The following TRIM33 variants were observed in gnomAD, a reference collection of about 807,000 sequenced individuals.
TRIM33 encodes the protein tripartite motif containing 33, also known as E3 ubiquitin-protein ligase TRIM33.
Under a neutral mutation model 125.4 loss-of-function variants are expected in TRIM33, and 20 were observed. The ratio of observed to expected loss-of-function variants is 0.16; its 90% confidence interval spans 0.11 to 0.23. The LOEUF (loss-of-function observed/expected upper bound fraction) is 0.23. Among genes scored for constraint, TRIM33 ranks in the 10% least tolerant of loss-of-function variants. The pLI is 1.00. For missense variants in TRIM33, 920 were observed against 1,411.4 expected, an observed-to-expected ratio of 0.65 and a Z score of 5.58; for synonymous variants, 564 against 513.9, an observed-to-expected ratio of 1.10 and a Z score of -1.32.
chr1:114,492,397 TGTATACAA>T (rs1229546718), intron 1 of TRIM33, among the ~76,000 whole-genome samples: 1 of 152,254 alleles, frequency 6.6e-6, no homozygotes, highest in Non-Finnish European at 1.5e-5. Flanking sequence ...ATGTATATTA[TGTATACAA>T]GTATACAACT....
intron 1 of TRIM33, among the ~76,000 whole-genome samples, chr1:114,507,318 G>C (rs1653058942): frequency 6.6e-6 from 1 of 152,198 alleles, no homozygotes; most frequent in Non-Finnish European, 1.5e-5. Flanking sequence ...CAATGTCACA[G>C]ATGATGCTGA....
At chr1:114,487,086 CAA>C (rs60855013) in intron 1 of TRIM33, among the ~76,000 whole-genome samples, 13 of 118,352 alleles carry the variant, frequency 1.1e-4, no homozygotes, top group Admixed American at 1.7e-4. Context: ...GACTCTGTCT[CAA>C]AAAAAAAAAA....
intron 1 of TRIM33, among the ~76,000 whole-genome samples, chr1:114,475,390 A>G (rs755162666): frequency 2.0e-5 from 3 of 152,212 alleles, no homozygotes; most frequent in Non-Finnish European, 2.9e-5. Context: ...GTAATAAAGG[A>G]TAAGTCTTAG....
At chr1:114,409,300 A>G (rs868507424) in intron 12 of TRIM33, among the ~76,000 whole-genome samples, 2 of 152,184 alleles carry the variant, frequency 1.3e-5, no homozygotes, top group African/African-American at 2.4e-5. Context: ...AAGAGTCCCA[A>G]TTGAATCACT....
chr1:114,472,054 C>A (rs75783406), intron 1 of TRIM33, among the ~76,000 whole-genome samples: 1 of 152,104 alleles, frequency 6.6e-6, no homozygotes, highest in Non-Finnish European at 1.5e-5. Context: ...GACCACAGAC[C>A]ATGCTGGAAA....
At position 114,417,853 on chromosome 1, in the gene TRIM33, T is replaced by C. The variant is rs200514275; in HGVS notation, c.2061+3583A>G. On this transcript the variant is annotated intron_variant, in intron 11 of 19. Transcript: ENST00000358465. ...TTGTATTTTTAGTAGATGGGGTTTCTCCATGTTGGTCAGGCTGGTCTCAAA... is the reference window on the plus strand; with the variant it reads ...TTGTATTTTTAGTAGATGGGGTTTCCCCATGTTGGTCAGGCTGGTCTCAAA... 1.8e-4 allele frequency among the ~76,000 whole-genome samples: 28 copies of C among 152,192 alleles called. No homozygotes were observed. The East Asian group carries it at 4.3e-3, about 23-fold the overall frequency.
intron 4 of TRIM33, among the ~76,000 whole-genome samples, chr1:114,451,781 G>C (rs1333122044): frequency 6.6e-6 from 1 of 152,092 alleles, no homozygotes; most frequent in Admixed American, 6.5e-5. Flanking sequence ...TTATAAAGTT[G>C]GCAGTATATT....
Position 114,395,758 on chromosome 1 carries a change from T to C in TRIM33, c.*1890A>G. 5.3e-6 allele frequency: 1 copy of C among 189,698 alleles called. No individual in the cohort carries two copies. Among genetic ancestry groups the C allele is most frequent in the Non-Finnish European group, 1.1e-5 (1 of 90,256 alleles). 11.8% of individuals were successfully genotyped at this position (189,698 alleles called of 1,614,324 possible). ...ATTTTCAACGGCTTAAATTATTTTT[T>C]AAAAATTGAAAGAAAAGTGAAAAGG... On this transcript the variant is annotated 3_prime_UTR_variant, in exon 20 of 20. Transcript: ENST00000358465.
chr1:114,428,678 A>G (rs1647742882), intron 6 of TRIM33, among the ~76,000 whole-genome samples: 1 of 152,250 alleles, frequency 6.6e-6, no homozygotes, highest in Admixed American at 6.5e-5. Flanking sequence ...ATCAATGGAT[A>G]AGAGTATTCA....
chr1:114,420,887 A>G (rs1255126173), intron 11 of TRIM33, among the ~76,000 whole-genome samples: 1 of 152,218 alleles, frequency 6.6e-6, no homozygotes, highest in African/African-American at 2.4e-5. Flanking sequence ...ATCCAAAAGA[A>G]CTGAAATTGT....
intron 11 of TRIM33, among the ~76,000 whole-genome samples, chr1:114,418,480 T>C (rs1277997086): frequency 6.6e-6 from 1 of 152,156 alleles, no homozygotes; most frequent in Admixed American, 6.5e-5. Context: ...CAAGCTGACT[T>C]TGGGAGACAT....
intron 1 of TRIM33, among the ~76,000 whole-genome samples, chr1:114,501,518 T>C (rs1652716489): frequency 6.6e-6 from 1 of 152,202 alleles, no homozygotes. Context: ...TTTAATGACT[T>C]TTTAATAAAG....
intron 14 of TRIM33, 150 bp downstream of exon 14, chr1:114,406,791 G>A (rs748158343): frequency 1.4e-6 from 1 of 692,136 alleles, no homozygotes; most frequent in Non-Finnish European, 2.3e-6. Flanking sequence ...AAAAAGTTGA[G>A]TTAGAAAAAG....
At chr1:114,404,958 T>TA (rs1652141622) in intron 15 of TRIM33, 2 of 152,638 alleles carry the variant, frequency 1.3e-5, no homozygotes, top group Non-Finnish European at 2.9e-5. Flanking sequence ...TTTTATGGTC[T>TA]CTGAAATCAA....
chr1:114,493,682 T>A (rs567954895), intron 1 of TRIM33, among the ~76,000 whole-genome samples: 1 of 152,286 alleles, frequency 6.6e-6, no homozygotes, highest in South Asian at 2.1e-4. Context: ...AACATCCTTT[T>A]TTTGTTTTGA....
intron 1 of TRIM33, among the ~76,000 whole-genome samples, chr1:114,472,375 ATT>A (rs747424747): frequency 2.6e-5 from 4 of 152,254 alleles, no homozygotes; most frequent in Admixed American, 6.5e-5. Flanking sequence ...ATTTTTAAGA[ATT>A]ATCAAAATAG....
chr1:114,402,925 A>C (rs753764424), intron 15 of TRIM33, 42 bp from the exon 16 acceptor site: 1 of 1,565,922 alleles, frequency 6.4e-7, no homozygotes, highest in South Asian at 1.2e-5. Context: ...AATTATAAGA[A>C]AGCCTGCTCT....
At chr1:114,413,687 G>A (rs1413418880) in intron 11 of TRIM33, among the ~76,000 whole-genome samples, 2 of 146,082 alleles carry the variant, frequency 1.4e-5, no homozygotes, top group Admixed American at 6.8e-5. Context: ...ATAGCACTAG[G>A]TGTGTACATG....
At position 114,394,548 on chromosome 1, in the gene TRIM33, T is replaced by C. The variant is rs1382484685; in HGVS notation, c.*3100A>G. The C allele has an allele frequency of 4.8e-6, 1 of 210,520 alleles. No individual in the cohort carries two copies. The highest frequency in any genetic ancestry group is 2.3e-5 in the African/African-American group (1 of 44,084). 13.0% of individuals were successfully genotyped at this position (210,520 alleles called of 1,614,324 possible). A position where few individuals can be genotyped will look rare whatever the true frequency, so the allele number is the denominator to read the frequency against. On this transcript the variant is annotated 3_prime_UTR_variant, in exon 20 of 20. Transcript: ENST00000358465. The stretch of plus-strand genomic sequence containing the variant: ...TCAATTAACTAAAAATTCCAAAACT[T>C]ATCACAAAAAATGAGACAACTGACT...
Sources: allele counts gnomAD v4.1 joint callset (sites outside exome capture counted in the v4.1 genomes callset), GRCh38; gene constraint gnomAD v4.1.1; transcripts MANE v1.5; gene names NCBI Gene and HGNC (gene_info 2026-07-23, HGNC 2026-07-21).